The following GALNT10 variants were observed in gnomAD, a reference collection of about 807,000 sequenced individuals.
The protein encoded by GALNT10 is GalNAc transferase 10.
A neutral mutation model predicts 75.0 loss-of-function variants in GALNT10; 41 were observed. The observed-to-expected ratio is 0.55, with a 90% confidence interval of 0.43 to 0.71. The LOEUF (loss-of-function observed/expected upper bound fraction) is 0.71. Among genes scored for constraint, GALNT10 ranks in the 30% least tolerant of loss-of-function variants. GALNT10 has a pLI of 0.00. For synonymous variants in GALNT10, 302 were observed against 313.0 expected, an observed-to-expected ratio of 0.96 and a Z score of 0.37; for missense variants, 727 against 818.5, an observed-to-expected ratio of 0.89 and a Z score of 1.36.
At chr5:154,198,382 C>A (rs908568220) in intron 1 of GALNT10, among the ~76,000 whole-genome samples, 1 of 152,190 alleles carries the variant, frequency 6.6e-6, no homozygotes, top group Non-Finnish European at 1.5e-5. Flanking sequence ...GATGCCGCTG[C>A]CTTTGTGAAG....
chr5:154,404,088 C>T lies in GALNT10; in HGVS notation c.1057-16C>T, dbSNP rs1192651803. On this transcript the variant is annotated splice_polypyrimidine_tract_variant and intron_variant, in intron 7 of 11. Coordinates refer to ENST00000297107, the MANE Select transcript of GALNT10 (RefSeq NM_198321.4). ...AAGCAGAAACGTCATCCTCTCTCTT[C>T]CTTCTTGCCATGCAGGTGTGGATGT... 1.3e-6 allele frequency: 2 copies of T among 1,594,186 alleles called. No individual in the cohort carries two copies. The highest frequency in any genetic ancestry group is 3.3e-5 in the Admixed American group (2 of 60,004).
At chr5:154,224,823 C>T (rs1419975802) in intron 1 of GALNT10, among the ~76,000 whole-genome samples, 1 of 149,756 alleles carries the variant, frequency 6.7e-6, no homozygotes, top group Non-Finnish European at 1.5e-5. Context: ...CTCTGTCTCC[C>T]AGGTTAGAGT....
chr5:154,225,417 G>T (rs144461879), intron 1 of GALNT10, among the ~76,000 whole-genome samples: 1,538 of 149,830 alleles, frequency 0.01, 25 homozygotes, highest in African/African-American at 0.036. Flanking sequence ...TAAAGGCAGG[G>T]TCTCACTCTG....
In GALNT10 at chr5:154,376,937, A is replaced by C. The variant is rs1328320654; in HGVS notation, c.754+475A>C. 6.6e-6 allele frequency among the ~76,000 whole-genome samples: 1 copy of C among 152,208 alleles called. No homozygotes were observed. The highest frequency in any genetic ancestry group is 2.4e-5 in the African/African-American group (1 of 41,446). ...CAAAAGTATACCCCTTATGTAGTAA[A>C]ACAAACTAAGATTCTGAGATACTGA... On this transcript the variant is annotated intron_variant, in intron 5 of 11. Coordinates refer to ENST00000297107, the MANE Select transcript of GALNT10 (RefSeq NM_198321.4). This position sits in a 1 kb window ranked among gnomAD's most constrained non-coding sequence, Gnocchi z 4.1.
chr5:154,358,939 T>C (rs944654543), intron 4 of GALNT10, among the ~76,000 whole-genome samples: 1 of 152,206 alleles, frequency 6.6e-6, no homozygotes, highest in Non-Finnish European at 1.5e-5. Flanking sequence ...GAATATGCCT[T>C]CGTCAGAGTG....
chr5:154,344,349 T>C (rs987290845), intron 4 of GALNT10, among the ~76,000 whole-genome samples: 6 of 151,852 alleles, frequency 4.0e-5, no homozygotes, highest in Non-Finnish European at 8.8e-5. Context: ...GTAGCTGGGA[T>C]TACAGGCGCG....
At chr5:154,378,191 G>T (rs1755685700) in intron 5 of GALNT10, among the ~76,000 whole-genome samples, 1 of 152,308 alleles carries the variant, frequency 6.6e-6, no homozygotes, top group South Asian at 2.1e-4. Flanking sequence ...CATGGCTTTT[G>T]TCTGTGAAAC....
chr5:154,218,010 C>T lies in GALNT10; in HGVS notation c.159+26985C>T, dbSNP rs994942062. The T allele has an allele frequency of 5.1e-6, 5 of 984,776 alleles. No individual in the cohort carries two copies. The South Asian group carries it at 1.9e-4, about 37-fold the overall frequency. 61.0% of individuals were successfully genotyped at this position (984,776 alleles called of 1,614,324 possible). A position where few individuals can be genotyped will look rare whatever the true frequency, so the allele number is the denominator to read the frequency against. On this transcript the variant is annotated intron_variant, in intron 1 of 11. Coordinates refer to ENST00000297107, the MANE Select transcript of GALNT10 (RefSeq NM_198321.4). ...GGGAATCATTCCATGTGGTTTCTTC[C>T]TTCTATTTCTCCTGCCAGCTCGCTT... is the stretch of plus-strand genomic sequence containing the variant.
At chr5:154,323,978 C>G (rs1460729880) in intron 3 of GALNT10, among the ~76,000 whole-genome samples, 2 of 152,212 alleles carry the variant, frequency 1.3e-5, no homozygotes, top group African/African-American at 4.8e-5. Context: ...CCCTGCCTTG[C>G]CTGCTCCCTG....
chr5:154,353,559 T>C (rs931586340), intron 4 of GALNT10, among the ~76,000 whole-genome samples: 1 of 152,242 alleles, frequency 6.6e-6, no homozygotes. Context: ...CTGGGCTGTC[T>C]GTGTCTTTCT....
At chr5:154,403,574 A>T (rs1756212605) in intron 7 of GALNT10, among the ~76,000 whole-genome samples, 1 of 152,172 alleles carries the variant, frequency 6.6e-6, no homozygotes, top group African/African-American at 2.4e-5. Context: ...TGTGACAGTA[A>T]ATCTACGGAA....
chr5:154,271,773 G>A (rs1679441629), intron 1 of GALNT10, among the ~76,000 whole-genome samples: 1 of 152,192 alleles, frequency 6.6e-6, no homozygotes. Flanking sequence ...CAGAAATGCA[G>A]GTAGAGTCCA....
At chr5:154,307,619 C>G (rs1258969074) in intron 3 of GALNT10, among the ~76,000 whole-genome samples, 4 of 79,404 alleles carry the variant, frequency 5.0e-5, no homozygotes, top group South Asian at 3.3e-4. Context: ...GACTCCATCT[C>G]AAGAAAAAAA....
chr5:154,200,497 A>T (rs1172176613), intron 1 of GALNT10, among the ~76,000 whole-genome samples: 1 of 152,192 alleles, frequency 6.6e-6, no homozygotes, highest in African/African-American at 2.4e-5. Flanking sequence ...GTATGTTCTC[A>T]ACTGAAAACT....
At chr5:154,310,209 A>G (rs948712212) in intron 3 of GALNT10, among the ~76,000 whole-genome samples, 2 of 152,030 alleles carry the variant, frequency 1.3e-5, no homozygotes, top group African/African-American at 4.8e-5. Context: ...CCTTTTTATC[A>G]TGATTCATGT....
At chr5:154,325,879 C>T (rs1328525708) in intron 3 of GALNT10, among the ~76,000 whole-genome samples, 1 of 151,654 alleles carries the variant, frequency 6.6e-6, no homozygotes, top group Non-Finnish European at 1.5e-5. Flanking sequence ...GACAATTAGA[C>T]AAGAAAAAGA....
In GALNT10 at chr5:154,376,394, C is replaced by A; in HGVS notation, c.686C>A (p.Thr229Asn). ...CGAATGCTGGGGGCCTCAGTGGCAA[C>A]TGGGGATGTCATCACATTCTTGGAT... ...RTRMLGASVA[T>N]GDVITFLDSH... Residue 229 changes from threonine (T) to asparagine (N), a missense_variant, in exon 5 of 12, where the codon ACT (threonine) becomes AAT (asparagine). Coordinates refer to ENST00000297107, the MANE Select transcript of GALNT10 (RefSeq NM_198321.4). This position sits in a 1 kb window ranked among gnomAD's most constrained non-coding sequence, Gnocchi z 4.1. The A allele has an allele frequency of 6.2e-7, 1 of 1,606,534 alleles. No homozygotes were observed. Among genetic ancestry groups the A allele is most frequent in the South Asian group, 1.1e-5 (1 of 89,722 alleles).
At chr5:154,344,054 A>C (rs1007277271) in intron 4 of GALNT10, among the ~76,000 whole-genome samples, 1 of 152,008 alleles carries the variant, frequency 6.6e-6, no homozygotes, top group African/African-American at 2.4e-5. Context: ...TCATATTCAT[A>C]TTACATTAGA....
At chr5:154,272,943 C>CTATGA (rs5872367) in intron 1 of GALNT10, among the ~76,000 whole-genome samples, 15 of 151,240 alleles carry the variant, frequency 9.9e-5, no homozygotes, top group Non-Finnish European at 1.8e-4. Context: ...GTACTCTAGA[C>CTATGA]GGTAGGAAAT....
Sources: gnomAD v4.1 joint callset for allele counts (sites outside exome capture counted in the v4.1 genomes callset) on GRCh38, gnomAD v4.1.1 for gene constraint, Gnocchi (gnomAD v3.1) non-coding constraint, MANE v1.5 for transcripts, NCBI Gene and HGNC (gene_info 2026-07-23, HGNC 2026-07-21) for gene names.